The following EAPP variants were observed in gnomAD, a reference collection of about 807,000 sequenced individuals.
EAPP encodes the protein E2F-associated phosphoprotein.
A neutral mutation model predicts 34.3 loss-of-function variants in EAPP; 38 were observed. The observed-to-expected ratio is 1.11, with a 90% CI of 0.85 to 1.45. EAPP has a LOEUF of 1.45. Among genes scored for constraint, EAPP ranks in the 40% most tolerant of loss-of-function variants. EAPP has a pLI of 0.00. For missense variants in EAPP, 338 were observed against 343.7 expected, an observed-to-expected ratio of 0.98 and a Z score of 0.13; for synonymous variants, 113 against 117.6, an observed-to-expected ratio of 0.96 and a Z score of 0.25.
intron 1 of EAPP, chr14:34,539,305 C>A (rs1191703032): frequency 1.5e-6 from 1 of 672,532 alleles, no homozygotes; most frequent in Non-Finnish European, 2.8e-6. Flanking sequence ...GATCTCATTG[C>A]TTTTGAAGAT....
rs1879724095 is a variant in EAPP, at chr14:34,516,451, C to T, written c.717G>A (p.Arg239=). The change falls in exon 6 of 6, where the codon CGG becomes CGA. Residue 239 remains arginine (R), a synonymous_variant. Transcript: ENST00000250454. The part of the protein sequence containing the change: ...RRVHKKMRSN[R]EDAAEKAETD... Reference sequence around the variant, plus strand: ...TCTCTGCCTTCTCGGCAGCATCTTCCCGGTTAGACCTCATCTTCTTATGGA... The same window carrying T: ...TCTCTGCCTTCTCGGCAGCATCTTCTCGGTTAGACCTCATCTTCTTATGGA... 1.2e-6 allele frequency: 2 copies of T among 1,614,042 alleles called. No individual in the cohort carries two copies. Among genetic ancestry groups the T allele is most frequent in the Non-Finnish European group, 8.5e-7 (1 of 1,180,034 alleles).
intron 5 of EAPP, among the ~76,000 whole-genome samples, chr14:34,524,402 A>T (rs1381300473): frequency 2.0e-5 from 3 of 151,948 alleles, no homozygotes; most frequent in African/African-American, 4.8e-5. Context: ...AAAACAAAAC[A>T]AAACTATATC....
chr14:34,516,801 T>C (rs1172195029), intron 5 of EAPP, among the ~76,000 whole-genome samples: 2 of 152,148 alleles, frequency 1.3e-5, no homozygotes, highest in African/African-American at 2.4e-5. Context: ...ACTCTTAGCC[T>C]CAAGTGATCC....
chr14:34,532,063 G>A (rs193217775), intron 3 of EAPP, among the ~76,000 whole-genome samples: 2,832 of 147,014 alleles, frequency 0.019, 81 homozygotes, highest in African/African-American at 0.067. Context: ...GTGACAGAGC[G>A]AGACTCCGTC....
chr14:34,537,273 A>C (rs2138227044), intron 1 of EAPP, among the ~76,000 whole-genome samples: 1 of 152,316 alleles, frequency 6.6e-6, no homozygotes, highest in South Asian at 2.1e-4. Flanking sequence ...GGCCTTCCAA[A>C]GTGCTGGGAT....
chr14:34,536,108 G>A lies in EAPP; in HGVS notation c.242C>T (p.Ser81Phe), dbSNP rs766658190. The A allele has an allele frequency of 1.2e-6, 2 of 1,609,184 alleles. No individual in the cohort carries two copies. The highest frequency in any genetic ancestry group is 2.7e-5 in the African/African-American group (2 of 74,630). Residue 81 changes from serine to phenylalanine, a missense_variant, in exon 2 of 6, where the codon TCC becomes TTC. Physicochemically the swap from Ser to Phe is radical, Grantham distance 155. Coordinates refer to ENST00000250454, the MANE Select transcript of EAPP (RefSeq NM_018453.4). ...STMKTMEDKL[S>F]SLGTGSSSGN... ...CAAAAGTTTACCAGTTCCCAGAGAG[G>A]ATAACTTGTCCTCCATTGTTTTCAT...
chr14:34,525,647 T>C (rs1196511132), intron 4 of EAPP, among the ~76,000 whole-genome samples: 1 of 152,114 alleles, frequency 6.6e-6, no homozygotes, highest in East Asian at 1.9e-4. Context: ...TGTACTATCC[T>C]ACACGGGGTC....
chr14:34,525,733 AT>A (rs1467306500), intron 4 of EAPP, among the ~76,000 whole-genome samples: 1 of 152,222 alleles, frequency 6.6e-6, no homozygotes, highest in East Asian at 1.9e-4. Flanking sequence ...ATAATAATGT[AT>A]CAAGGCCGGG....
Position 34,518,818 on chromosome 14 carries a change from A to G in EAPP, c.582-2232T>C, listed in dbSNP as rs117636701. 1.2e-4 allele frequency among the ~76,000 whole-genome samples: 18 copies of G among 152,298 alleles called. No homozygotes were observed. The East Asian group carries it at 3.5e-3, about 29-fold the overall frequency. Reference sequence around the variant, plus strand: ...TATTCCTATACTGGTTTCCAGCTGCATGAAATATCTTTTCCCATTCATGTT... The same window carrying G: ...TATTCCTATACTGGTTTCCAGCTGCGTGAAATATCTTTTCCCATTCATGTT... On this transcript the variant is annotated intron_variant, in intron 5 of 5. Transcript: ENST00000250454.
intron 4 of EAPP, among the ~76,000 whole-genome samples, chr14:34,527,723 A>G (rs1880141414): frequency 6.6e-6 from 1 of 152,236 alleles, no homozygotes; most frequent in African/African-American, 2.4e-5. Context: ...CACATACTGT[A>G]TAATATCCCA....
intron 3 of EAPP, among the ~76,000 whole-genome samples, chr14:34,530,196 G>A (rs865966158): frequency 5.3e-5 from 8 of 151,056 alleles, no homozygotes; most frequent in East Asian, 1.9e-4. Context: ...GCAAAACTCC[G>A]TCTCAAAAAA....
Position 34,529,357 on chromosome 14 carries a change from C to T in EAPP, c.470+1G>A, listed in dbSNP as rs752713025. On this transcript the variant is annotated splice_donor_variant, in intron 4 of 5. Transcript: ENST00000250454. LOFTEE classifies it high-confidence loss of function. ...TCTAAATATTAACTTTAAGTTCTTACCCCCTTCTCTGTGCATCAACCCAGG... is the reference window on the plus strand; with the variant it reads ...TCTAAATATTAACTTTAAGTTCTTATCCCCTTCTCTGTGCATCAACCCAGG... 2 of 1,571,562 alleles carry T rather than the reference C, an allele frequency of 1.3e-6. No homozygotes were observed. The highest frequency in any genetic ancestry group is 1.7e-6 in the Non-Finnish European group (2 of 1,146,652).
intron 1 of EAPP, 141 bp from the exon 2 acceptor site, chr14:34,536,416 C>T: frequency 1.9e-6 from 1 of 531,750 alleles, no homozygotes; most frequent in South Asian, 3.7e-5. Flanking sequence ...TATAGCTATT[C>T]TCACTTAATA....
Position 34,516,341 on chromosome 14 carries a change from T to C in EAPP, c.827A>G (p.His276Arg). 2.5e-6 allele frequency: 4 copies of C among 1,612,684 alleles called. No individual in the cohort carries two copies. The highest frequency in any genetic ancestry group is 2.5e-6 in the Non-Finnish European group (3 of 1,179,246). The change falls in exon 6 of 6, where the codon CAT (histidine) becomes CGT (arginine). Residue 276 changes from histidine to arginine, a missense_variant. Coordinates refer to ENST00000250454, the MANE Select transcript of EAPP (RefSeq NM_018453.4). The stretch of plus-strand genomic sequence containing the variant: ...ATGGCTTGCTAAAACATTGAAAAAA[T>C]GAAAGACTTCATCCTTGTCGTAGAC... ...VAVYDKDEVF[H>R]FFNVLASHS
intron 5 of EAPP, 31 bp from the exon 6 acceptor site, chr14:34,516,617 T>TTTA: frequency 6.3e-7 from 1 of 1,580,584 alleles, no homozygotes; most frequent in East Asian, 2.2e-5. Context: ...AGAATTGGGG[T>TTTA]TTATGTTCTA....
At chr14:34,522,991 A>G (rs533159186) in intron 5 of EAPP, among the ~76,000 whole-genome samples, 144 of 152,206 alleles carry the variant, frequency 9.5e-4, no homozygotes, top group Non-Finnish European at 1.4e-3. Flanking sequence ...GCTCAGGGGA[A>G]TTTTTCTGCT....
Position 34,516,567 on chromosome 14 carries a change from G to A in EAPP, c.601C>T (p.Gln201Ter). 1.9e-6 allele frequency: 3 copies of A among 1,612,904 alleles called. No homozygotes were observed. Among genetic ancestry groups the A allele is most frequent in the Non-Finnish European group, 2.5e-6 (3 of 1,179,654 alleles). ...DCQRHESYKT[Q>*]YRAMFVMNCS... ...TTCATTACAAACATTGCTCTATATT[G>A]AGTTTTGTATGATTCATGCCTAAGA... Residue 201 changes from glutamine (Q) to a stop codon, truncating the protein, a stop_gained, in exon 6 of 6, where the codon CAA (glutamine) becomes TAA (stop). Transcript: ENST00000250454. LOFTEE classifies it high-confidence loss of function.
intron 5 of EAPP, among the ~76,000 whole-genome samples, chr14:34,516,893 G>A (rs1386219199): frequency 6.6e-6 from 1 of 151,632 alleles, no homozygotes; most frequent in Admixed American, 6.6e-5. Context: ...GTATGTAACA[G>A]TGTAAGGAAG....
chr14:34,521,294 C>G (rs566990771), intron 5 of EAPP, among the ~76,000 whole-genome samples: 8 of 152,104 alleles, frequency 5.3e-5, no homozygotes, highest in Non-Finnish European at 1.0e-4. Context: ...TGGTCTCGAA[C>G]TGCTGACCTC....
Sources: gnomAD v4.1 joint callset for allele counts (sites outside exome capture counted in the v4.1 genomes callset) on GRCh38, gnomAD v4.1.1 for gene constraint, MANE v1.5 for transcripts, NCBI Gene and HGNC (gene_info 2026-07-23, HGNC 2026-07-21) for gene names.